Variants in DSPP observed in about 807,000 individuals in gnomAD.
DSPP encodes the protein deafness, autosomal dominant 39.
In DSPP, 28 loss-of-function variants were observed where a neutral mutation model predicts 29.1. The observed-to-expected ratio is 0.96, with a 90% confidence interval of 0.71 to 1.32. DSPP has a LOEUF of 1.32. Ranked by LOEUF, DSPP falls within the 40% of genes most tolerant of loss-of-function variation. DSPP has a pLI of 0.00. For missense variants in DSPP, 1,281 were observed against 1,629.9 expected (o/e 0.79, Z 3.69); for synonymous variants, 481 against 503.4 (o/e 0.96, Z 0.60).
chr4:87,612,994 G>A lies in DSPP; in HGVS notation c.808G>A (p.Gly270Arg). 1 of 1,614,142 alleles carries A rather than the reference G, an allele frequency of 6.2e-7. No homozygotes were observed. The highest frequency in any genetic ancestry group is 8.5e-7 in the Non-Finnish European group (1 of 1,180,018). The change falls in exon 4 of 5, where the codon GGA (glycine) becomes AGA (arginine). Residue 270 changes from glycine to arginine, a missense_variant. Physicochemically the swap from Gly to Arg is moderately radical, Grantham distance 125. Coordinates refer to ENST00000651931, the MANE Select transcript of DSPP (RefSeq NM_014208.3). The part of the protein sequence containing the change: ...GDDEDEEAGN[G>R]KDSSNNSKGQ... The stretch of plus-strand genomic sequence containing the variant: ...TGATGAAGATGAAGAAGCAGGGAAT[G>A]GAAAAGACAGTAGTAATAACAGCAA...
Position 87,613,146 on chromosome 4 carries a change from C to T in DSPP, c.960C>T (p.Asp320=), listed in dbSNP as rs1727772817. The stretch of plus-strand genomic sequence containing the variant: ...ATCCCCATAATGAAGTTGATGGAGA[C>T]AAGACCTCCAAGAGTGAGGAGAATT... ...KEDPHNEVDG[D]KTSKSEENSA... Residue 320 remains aspartate, a synonymous_variant, in exon 4 of 5, where the codon GAC becomes GAT. Coordinates refer to ENST00000651931, the MANE Select transcript of DSPP (RefSeq NM_014208.3). 6.2e-7 allele frequency: 1 copy of T among 1,614,010 alleles called. No individual in the cohort carries two copies. The highest frequency in any genetic ancestry group is 8.5e-7 in the Non-Finnish European group (1 of 1,180,042).
Position 87,614,949 on chromosome 4 carries a change from A to AACAGCAGTG in DSPP, c.2298_2306dup (p.Asp778_Ser780dup). On this transcript the variant is annotated inframe_insertion, in exon 5 of 5. Coordinates refer to ENST00000651931, the MANE Select transcript of DSPP (RefSeq NM_014208.3). ...CAGTAGCGATAGCAGTGACAGCAGC[A>AACAGCAGTG]ACAGCAGTGACAGCAGTGATAGCAG... 6.5e-7 allele frequency: 1 copy of AACAGCAGTG among 1,537,006 alleles called. No individual in the cohort carries two copies. The highest frequency in any genetic ancestry group is 8.7e-7 in the Non-Finnish European group (1 of 1,146,236).
At position 87,612,746 on chromosome 4, in the gene DSPP, C is replaced by T. The variant is rs756393603; in HGVS notation, c.560C>T (p.Ala187Val). The change falls in exon 4 of 5, where the codon GCT becomes GTT. Residue 187 changes from alanine (A) to valine (V), a missense_variant. Ala to Val is a moderately conservative substitution (Grantham distance 64). Around this residue, in one of 4 missense-constraint regions of DSPP, gnomAD observed 631 missense variants for 643.2 expected, o/e 0.98. Coordinates refer to ENST00000651931, the MANE Select transcript of DSPP (RefSeq NM_014208.3). ...GTCCAAGAAGATGGACCTCAAGTAGCTGGAAGCAATAACAGTACAGACAAT... is the reference window on the plus strand; with the variant it reads ...GTCCAAGAAGATGGACCTCAAGTAGTTGGAAGCAATAACAGTACAGACAAT... ...AVVQEDGPQV[A>V]GSNNSTDNED... is the part of the protein sequence containing the mutation. 4 of 1,614,078 alleles carry T rather than the reference C, an allele frequency of 2.5e-6. No individual in the cohort carries two copies. The highest frequency in any genetic ancestry group is 2.2e-5 in the South Asian group (2 of 91,064).
At chr4:87,611,009 C>A (rs370720258) in intron 2 of DSPP, 50 bp downstream of exon 2, 220 of 1,477,362 alleles carry the variant, frequency 1.5e-4, no homozygotes, top group Non-Finnish European at 2.0e-4. Flanking sequence ...TCTTTTTTAA[C>A]CTAACATTAA....
At chr4:87,612,213 T>A in intron 3 of DSPP, 25 bp downstream of exon 3, 1 of 1,613,174 alleles carries the variant, frequency 6.2e-7, no homozygotes, top group Non-Finnish European at 8.5e-7. Context: ...ATATTTCATT[T>A]TATTTCCTAT....
At position 87,612,119 on chromosome 4, in the gene DSPP, A is replaced by G; in HGVS notation, c.66A>G (p.Lys22=). 2 of 1,613,798 alleles carry G rather than the reference A, an allele frequency of 1.2e-6. No individual in the cohort carries two copies. Among genetic ancestry groups the G allele is most frequent in the East Asian group, 2.2e-5 (1 of 44,850 alleles). The change falls in exon 3 of 5, where the codon AAA becomes AAG. Residue 22 remains lysine, a synonymous_variant. Transcript: ENST00000651931. ...CTACTTGGCAGGTTCCTCAAAGCAA[A>G]CCACTGGAGAGACATGTCGAAAAAT... The part of the protein sequence containing the change: ...VAWAIPVPQS[K]PLERHVEKSM...
At position 87,610,715 on chromosome 4, in the gene DSPP, C is replaced by T. The variant is rs2736980; in HGVS notation, c.-28-166C>T. Reference sequence around the variant, plus strand: ...TACATTAGTGCTGAGCCTGGTGATGCCCCCATAACCACACCAGGTATGTTC... The same window carrying T: ...TACATTAGTGCTGAGCCTGGTGATGTCCCCATAACCACACCAGGTATGTTC... On this transcript the variant is annotated intron_variant, in intron 1 of 4. Transcript: ENST00000651931. 0.27 allele frequency among the ~76,000 whole-genome samples: 40,548 copies of T among 151,972 alleles called. 6,130 individuals are homozygous for T. Among genetic ancestry groups the T allele is most frequent in the East Asian group, 0.57 (2,932 of 5,156 alleles).
Position 87,614,388 on chromosome 4 carries a change from A to C in DSPP, c.1726A>C (p.Ser576Arg). 6.3e-7 allele frequency: 1 copy of C among 1,575,978 alleles called. No homozygotes were observed. Residue 576 changes from serine to arginine, a missense_variant, in exon 5 of 5, where the codon AGT becomes CGT. Coordinates refer to ENST00000651931, the MANE Select transcript of DSPP (RefSeq NM_014208.3). ...TGACAGTGACAGCAGTGATAGCAAC[A>C]GTAGCAGTGATAGTGACAGCAGTGA... ...SSDSDSSDSN[S>R]SSDSDSSDSD...
At chr4:87,609,168 A>C (rs1321285327) in intron 1 of DSPP, among the ~76,000 whole-genome samples, 1 of 152,182 alleles carries the variant, frequency 6.6e-6, no homozygotes, top group African/African-American at 2.4e-5. Context: ...TGCTGAGATC[A>C]CCTGGGCCAT....
In DSPP at chr4:87,616,694, G is replaced by A. The variant is rs1578142865; in HGVS notation, c.*126G>A. On this transcript the variant is annotated 3_prime_UTR_variant, in exon 5 of 5. Transcript: ENST00000651931. Reference sequence around the variant, plus strand: ...AAGACGTATGTAAACAAAAACAACTGGGGGAATCAAATCAAACAGTTGGAT... The same window carrying A: ...AAGACGTATGTAAACAAAAACAACTAGGGGAATCAAATCAAACAGTTGGAT... The A allele has an allele frequency of 3.4e-6, 5 of 1,471,504 alleles. No individual in the cohort carries two copies. The highest frequency in any genetic ancestry group is 2.1e-4 in the Middle Eastern group (1 of 4,788). 91.2% of individuals were successfully genotyped at this position (1,471,504 alleles called of 1,614,324 possible).
rs1282804206 is a variant in DSPP at position 87,615,529 on chromosome 4, G to A, written c.2867G>A (p.Ser956Asn). The part of the protein sequence containing the change: ...DSSDSSNSSD[S>N]SNSSDSSNSS... ...AGTGACAGCAGTAATAGTAGTGACAGCAGCAATAGCAGTGACAGCAGCAAC... is the reference window on the plus strand; with the variant it reads ...AGTGACAGCAGTAATAGTAGTGACAACAGCAATAGCAGTGACAGCAGCAAC... Residue 956 changes from serine to asparagine, a missense_variant, in exon 5 of 5, where the codon AGC (serine) becomes AAC (asparagine). Physicochemically the swap from Ser to Asn is conservative, Grantham distance 46. This residue lies in a region of DSPP where 444 missense variants were observed against 611.4 expected (regional missense o/e 0.73). Coordinates refer to ENST00000651931, the MANE Select transcript of DSPP (RefSeq NM_014208.3). 3 of 1,543,460 alleles carry A rather than the reference G, an allele frequency of 1.9e-6. No individual in the cohort carries two copies. Among genetic ancestry groups the A allele is most frequent in the South Asian group, 1.2e-5 (1 of 83,514 alleles).
Position 87,616,340 on chromosome 4 carries a change from C to G in DSPP, c.3678C>G (p.Ser1226Arg). ...ACAGCAGCGACAGCAGTGACAGCAGCGACAGCAGTGACAGCAATGAAAGCA... is the reference window on the plus strand; with the variant it reads ...ACAGCAGCGACAGCAGTGACAGCAGGGACAGCAGTGACAGCAATGAAAGCA... ...SSDSSDSSDS[S>R]DSSDSNESSD... Residue 1226 changes from serine to arginine, a missense_variant, in exon 5 of 5, where the codon AGC (serine) becomes AGG (arginine). Physicochemically the swap from Ser to Arg is moderately radical, Grantham distance 110 (BLOSUM62 -1). Coordinates refer to ENST00000651931, the MANE Select transcript of DSPP (RefSeq NM_014208.3). The G allele has an allele frequency of 1.4e-6, 2 of 1,401,062 alleles. No individual in the cohort carries two copies. The highest frequency in any genetic ancestry group is 1.9e-6 in the Non-Finnish European group (2 of 1,052,576). The allele number at this position is 1,401,062 out of a possible 1,614,324, so 86.8% of individuals were successfully genotyped here. A position where few individuals can be genotyped will look rare whatever the true frequency, so the allele number is the denominator to read the frequency against.
rs764906331 is a variant in DSPP at position 87,612,364 on chromosome 4, C to A, written c.178C>A (p.Leu60Met). Residue 60 changes from leucine (L) to methionine (M), a missense_variant, in exon 4 of 5, where the codon CTG becomes ATG. Leu to Met is a conservative substitution (Grantham distance 15). Coordinates refer to ENST00000651931, the MANE Select transcript of DSPP (RefSeq NM_014208.3). ...TGGAACCATCAAAGAAAGTGGTGTC[C>A]TGGTGCATGAAGGTGATAGAGGAAG... ...ASGTIKESGV[L>M]VHEGDRGRQE... is the part of the protein sequence containing the mutation. 9.3e-6 allele frequency: 15 copies of A among 1,613,804 alleles called. No individual in the cohort carries two copies. In the South Asian group the frequency reaches 1.6e-4, roughly 18 times the overall value.
At position 87,614,066 on chromosome 4, in the gene DSPP, T is replaced by C; in HGVS notation, c.1404T>C (p.Ser468=). Residue 468 remains serine, a synonymous_variant, in exon 5 of 5, where the codon AGT becomes AGC. Coordinates refer to ENST00000651931, the MANE Select transcript of DSPP (RefSeq NM_014208.3). ...TGCAAGGAGATGATCCCAATAGCAG[T>C]GATGAATCTAATGGCAATGATGATG... ...KSMQGDDPNS[S]DESNGNDDAN... 6.2e-7 allele frequency: 1 copy of C among 1,614,224 alleles called. No individual in the cohort carries two copies. The highest frequency in any genetic ancestry group is 8.5e-7 in the Non-Finnish European group (1 of 1,180,038).
At position 87,615,936 on chromosome 4, in the gene DSPP, A is replaced by G. The variant is rs201754564; in HGVS notation, c.3274A>G (p.Asn1092Asp). The G allele has an allele frequency of 0.33, 105,937 of 318,172 alleles. 41,946 individuals carry two copies. The highest frequency in any genetic ancestry group is 0.63 in the Admixed American group (5,077 of 8,048). The allele number at this position is 318,172 out of a possible 1,614,324, so 19.7% of individuals were successfully genotyped here. The stretch of plus-strand genomic sequence containing the variant: ...AAGCAGTGATAGCAGTGACAGCAGC[A>G]ATAGCAGTGACAGCAGCGATAGCAG... ...SESSDSSDSS[N>D]SSDSSDSSDS... The change falls in exon 5 of 5, where the codon AAT becomes GAT. Residue 1092 changes from asparagine to aspartate, a missense_variant. Transcript: ENST00000651931.
At chr4:87,612,260 T>G in intron 3 of DSPP, 62 bp from the exon 4 acceptor site, 13 of 1,612,534 alleles carry the variant, frequency 8.1e-6, no homozygotes, top group Non-Finnish European at 1.1e-5. Context: ...TCTCCAAGAT[T>G]GCAATTTGCT....
At chr4:87,609,882 A>G (rs1727702405) in intron 1 of DSPP, among the ~76,000 whole-genome samples, 1 of 152,192 alleles carries the variant, frequency 6.6e-6, no homozygotes, top group Admixed American at 6.5e-5. Context: ...AACTTATCAG[A>G]AACATGTTTT....
chr4:87,616,438 G>A lies in DSPP; in HGVS notation c.3776G>A (p.Ser1259Asn). 3.2e-6 allele frequency: 5 copies of A among 1,551,728 alleles called. No homozygotes were observed. The highest frequency in any genetic ancestry group is 4.4e-6 in the Non-Finnish European group (5 of 1,146,972). ...GACAGCAGCGACAGCAGTGATAGCAGTGACAGCACATCTGACAGCAATGAT... is the reference window on the plus strand; with the variant it reads ...GACAGCAGCGACAGCAGTGATAGCAATGACAGCACATCTGACAGCAATGAT... ...SSDSSDSSDS[S>N]DSTSDSNDES... is the part of the protein sequence containing the mutation. The change falls in exon 5 of 5, where the codon AGT becomes AAT. Residue 1259 changes from serine to asparagine, a missense_variant. Around this residue, in one of 4 missense-constraint regions of DSPP, gnomAD observed 134 missense variants for 185.0 expected, o/e 0.72. Transcript: ENST00000651931.
chr4:87,613,263 C>T lies in DSPP; in HGVS notation c.1077C>T (p.Ile359=). 1.2e-6 allele frequency: 2 copies of T among 1,613,744 alleles called. No individual in the cohort carries two copies. Among genetic ancestry groups the T allele is most frequent in the Non-Finnish European group, 1.7e-6 (2 of 1,180,010 alleles). Residue 359 remains isoleucine, a synonymous_variant, in exon 4 of 5, where the codon ATC becomes ATT. Transcript: ENST00000651931. ...AAAGCAAACGCGTAGAAAATAGAAT[C>T]ACCAAAGAATCAGAGACACATGCTG... ...HRESKRVENR[I]TKESETHAVG...
Sources: gnomAD v4.1 joint callset for allele counts (sites outside exome capture counted in the v4.1 genomes callset) on GRCh38, gnomAD v4.1.1 for gene constraint, gnomAD v4.1.1 regional missense constraint, MANE v1.5 for transcripts, NCBI Gene and HGNC (gene_info 2026-07-23, HGNC 2026-07-21) for gene names.